MID1: variants seen among roughly 807,000 people sequenced by gnomAD.
MID1 encodes midline 1.
Under a neutral mutation model 40.4 loss-of-function variants are expected in MID1, and 7 were observed. That is an observed-to-expected ratio of 0.17 (90% confidence interval 0.10 to 0.33). MID1 has a LOEUF of 0.33. MID1 is among the 10% of genes least tolerant of loss of function. The pLI is 1.00. For missense variants in MID1, 367 were observed against 558.5 expected, an observed-to-expected ratio of 0.66 and a Z score of 3.46; for synonymous variants, 229 against 221.2, an observed-to-expected ratio of 1.04 and a Z score of -0.31.
chrX:10,563,882 G>A (rs1331046431), intron 2 of MID1, among the ~76,000 whole-genome samples: 1 of 111,876 alleles, frequency 8.9e-6, no homozygotes, highest in Admixed American at 9.5e-5. Flanking sequence ...CTGATTTTTT[G>A]TATAAACAAA....
intron 1 of MID1, among the ~76,000 whole-genome samples, chrX:10,709,759 T>C (rs752440441): frequency 8.9e-6 from 1 of 112,286 alleles, no homozygotes; most frequent in South Asian, 3.7e-4. Context: ...TTGGTAGTTG[T>C]AATCCTCTTG....
At chrX:10,552,583 CTTTT>C (rs1170917482) in intron 2 of MID1, among the ~76,000 whole-genome samples, 19 of 109,279 alleles carry the variant, frequency 1.7e-4, no homozygotes, top group African/African-American at 4.0e-4. Context: ...GTGTTTTTAT[CTTTT>C]TTAATTGTTT....
intron 1 of MID1, among the ~76,000 whole-genome samples, chrX:10,643,730 C>T (rs1936229824): frequency 9.0e-6 from 1 of 111,033 alleles, no homozygotes. Context: ...GCACTATTCA[C>T]AATAGCAAAG....
At chrX:10,753,412 T>A (rs1183625654) in intron 1 of MID1, among the ~76,000 whole-genome samples, 1 of 111,113 alleles carries the variant, frequency 9.0e-6, no homozygotes, top group East Asian at 2.8e-4. Flanking sequence ...CAGGTCTCAG[T>A]GCTCATATAT....
At chrX:10,576,229 C>T (rs187902326) in intron 1 of MID1, among the ~76,000 whole-genome samples, 1 of 111,501 alleles carries the variant, frequency 9.0e-6, no homozygotes, top group East Asian at 2.8e-4. Flanking sequence ...TCAAATTAAA[C>T]TGTTAACCAA....
chrX:10,818,306 GTTAA>G (rs1349431591), intron 1 of MID1, among the ~76,000 whole-genome samples: 1 of 112,413 alleles, frequency 8.9e-6, no homozygotes, highest in African/African-American at 3.2e-5. Context: ...TTTTAGTACT[GTTAA>G]TTCAAATTCA....
chrX:10,783,726 T>G (rs1429063850), intron 1 of MID1, among the ~76,000 whole-genome samples: 4 of 111,609 alleles, frequency 3.6e-5, no homozygotes, highest in Non-Finnish European at 7.5e-5. Context: ...GGTGAAACAT[T>G]TGTCACAGGA....
chrX:10,743,056 C>G (rs1040025237), intron 1 of MID1, among the ~76,000 whole-genome samples: 3 of 112,809 alleles, frequency 2.7e-5, no homozygotes, highest in African/African-American at 9.7e-5. Context: ...TCATTAGAAG[C>G]AAGTCTTCCC....
chrX:10,618,312 G>C (rs1195018136), intron 1 of MID1, among the ~76,000 whole-genome samples: 2 of 112,206 alleles, frequency 1.8e-5, no homozygotes, highest in Middle Eastern at 4.2e-3. Context: ...CTGCCTGGAT[G>C]CAACAGTCAG....
chrX:10,637,988 G>C (rs910755231), intron 1 of MID1, among the ~76,000 whole-genome samples: 2 of 112,291 alleles, frequency 1.8e-5, no homozygotes, highest in Admixed American at 1.9e-4. Flanking sequence ...AAAGTACAGA[G>C]AGTAATGTCG....
At chrX:10,809,149 T>C (rs1307561991) in intron 1 of MID1, among the ~76,000 whole-genome samples, 2 of 112,009 alleles carry the variant, frequency 1.8e-5, no homozygotes, top group African/African-American at 3.3e-5. Flanking sequence ...AAAGAAGACA[T>C]TTATGCAGCC....
At chrX:10,740,674 T>C (rs1471355588) in intron 1 of MID1, among the ~76,000 whole-genome samples, 3 of 111,422 alleles carry the variant, frequency 2.7e-5, no homozygotes, top group Non-Finnish European at 5.6e-5. Context: ...AATATTTTCT[T>C]CAAGGCTGTT....
intron 2 of MID1, among the ~76,000 whole-genome samples, chrX:10,556,512 A>G (rs974184076): frequency 1.2e-4 from 13 of 112,154 alleles, no homozygotes; most frequent in Non-Finnish European, 2.4e-4. Context: ...CATGTCAGCC[A>G]GAAACACATA....
intron 1 of MID1, among the ~76,000 whole-genome samples, chrX:10,712,516 C>A: frequency 9.0e-6 from 1 of 111,004 alleles, no homozygotes; most frequent in Admixed American, 9.6e-5. Context: ...GCAGACAGCC[C>A]ACTCCAAGGG....
At chrX:10,743,830 T>A (rs779781795) in intron 1 of MID1, among the ~76,000 whole-genome samples, 13 of 112,031 alleles carry the variant, frequency 1.2e-4, no homozygotes, top group Non-Finnish European at 2.3e-4. Flanking sequence ...TCACACATGC[T>A]TTGCAAAGCT....
intron 1 of MID1, among the ~76,000 whole-genome samples, chrX:10,783,887 T>TA (rs1569169222): frequency 1.8e-5 from 2 of 110,004 alleles, no homozygotes; most frequent in African/African-American, 6.7e-5. Context: ...GCTCTTTTTT[T>TA]TAAAAAAAAA....
At chrX:10,603,741 C>T (rs958024875) in intron 1 of MID1, among the ~76,000 whole-genome samples, 5 of 111,488 alleles carry the variant, frequency 4.5e-5, no homozygotes, top group Non-Finnish European at 9.4e-5. Flanking sequence ...CAGATTTCAT[C>T]TAAGGACAAA....
chrX:10,598,489 T>C (rs185369122), intron 1 of MID1, among the ~76,000 whole-genome samples: 2 of 111,933 alleles, frequency 1.8e-5, no homozygotes, highest in East Asian at 5.6e-4. Context: ...AGAGCACAGT[T>C]GATGTTAGAA....
intron 1 of MID1, among the ~76,000 whole-genome samples, chrX:10,781,465 G>GA (rs1888905780): frequency 8.9e-6 from 1 of 111,969 alleles, no homozygotes; most frequent in African/African-American, 3.2e-5. Flanking sequence ...GAACACGAAA[G>GA]AAAAACAGCA....
Sources: gnomAD v4.1 joint callset for allele counts (sites outside exome capture counted in the v4.1 genomes callset) on GRCh38, gnomAD v4.1.1 for gene constraint, MANE v1.5 for transcripts, NCBI Gene and HGNC (gene_info 2026-07-23, HGNC 2026-07-21) for gene names.